Variants in FMN2 observed in about 807,000 individuals in gnomAD.
The protein encoded by FMN2 is formin-2.
A neutral mutation model predicts 142.3 loss-of-function variants in FMN2; 51 were observed. The observed-to-expected ratio is 0.36, with a 90% CI of 0.29 to 0.45. The LOEUF (loss-of-function observed/expected upper bound fraction) is 0.45, where lower values mean the gene tolerates loss of function less well. Among genes scored for constraint, FMN2 ranks in the 20% least tolerant of loss-of-function variants. The pLI is 1.00. For synonymous variants in FMN2, 882 were observed against 869.8 expected (o/e 1.01, Z -0.25); for missense variants, 1,936 against 2,122.8 (o/e 0.91, Z 1.73).
intron 6 of FMN2, among the ~76,000 whole-genome samples, chr1:240,243,130 GAA>G (rs145296927): frequency 6.8e-6 from 1 of 146,376 alleles, no homozygotes; most frequent in African/African-American, 2.5e-5. Flanking sequence ...GGAGTAGACC[GAA>G]AAAAAAAACC....
intron 2 of FMN2, among the ~76,000 whole-genome samples, chr1:240,127,121 CTTTTT>C (rs769189578): frequency 7.2e-6 from 1 of 138,182 alleles, no homozygotes; most frequent in Non-Finnish European, 1.6e-5. Context: ...AGGAATATGG[CTTTTT>C]TTTTTTTTTT....
intron 15 of FMN2, among the ~76,000 whole-genome samples, chr1:240,437,083 C>G (rs1401307101): frequency 6.6e-6 from 1 of 152,130 alleles, no homozygotes; most frequent in Non-Finnish European, 1.5e-5. Context: ...AGTCAGAAAC[C>G]TACCATTTAC....
chr1:240,221,072 A>G (rs1362900497), intron 6 of FMN2, among the ~76,000 whole-genome samples: 1 of 152,170 alleles, frequency 6.6e-6, no homozygotes, highest in Non-Finnish European at 1.5e-5. Context: ...GCTGCATTGT[A>G]TTCCATGGTG....
At chr1:240,365,828 C>T (rs889879536) in intron 14 of FMN2, among the ~76,000 whole-genome samples, 1 of 152,164 alleles carries the variant, frequency 6.6e-6, no homozygotes, top group African/African-American at 2.4e-5. Context: ...CACTGTTACT[C>T]ATGCCTTAAT....
chr1:240,123,982 G>A (rs545459324), intron 2 of FMN2, among the ~76,000 whole-genome samples: 70 of 152,322 alleles, frequency 4.6e-4, no homozygotes, highest in African/African-American at 1.7e-3. Flanking sequence ...ATTCATCCAT[G>A]TTGGAGCATG....
At chr1:240,294,721 G>C in intron 7 of FMN2, 101 bp from the exon 8 acceptor site, 1 of 1,016,988 alleles carries the variant, frequency 9.8e-7, no homozygotes, top group South Asian at 1.3e-5. Flanking sequence ...TAAAGCCCCT[G>C]CTCCCTCTGG....
chr1:240,222,103 C>A (rs561732337), intron 6 of FMN2, among the ~76,000 whole-genome samples: 11 of 151,358 alleles, frequency 7.3e-5, no homozygotes, highest in African/African-American at 2.7e-4. Context: ...AAGTCACCCA[C>A]CTGCCTCGGC....
At chr1:240,250,680 C>T (rs898912192) in intron 6 of FMN2, among the ~76,000 whole-genome samples, 5 of 151,786 alleles carry the variant, frequency 3.3e-5, no homozygotes, top group South Asian at 2.1e-4. Flanking sequence ...GTTCTTTGTA[C>T]GTTTTGTAGA....
intron 14 of FMN2, among the ~76,000 whole-genome samples, chr1:240,387,151 C>CT (rs1169036128): frequency 2.6e-5 from 4 of 152,128 alleles, no homozygotes; most frequent in Non-Finnish European, 4.4e-5. Flanking sequence ...TCATTGTTGC[C>CT]TTTTTTCTTA....
chr1:240,144,500 T>A, intron 2 of FMN2: 1 of 1,534,898 alleles, frequency 6.5e-7, no homozygotes, highest in Non-Finnish European at 9.0e-7. Flanking sequence ...GAATGCCATC[T>A]GTTTCTGTAC....
intron 4 of FMN2, among the ~76,000 whole-genome samples, chr1:240,196,510 G>C (rs984787276): frequency 2.6e-5 from 4 of 151,950 alleles, no homozygotes; most frequent in African/African-American, 9.7e-5. Context: ...GTGTTTTTTG[G>C]TTTGTTTGTT....
chr1:240,443,667 T>G (rs1675703942), intron 16 of FMN2, among the ~76,000 whole-genome samples: 1 of 152,218 alleles, frequency 6.6e-6, no homozygotes, highest in Non-Finnish European at 1.5e-5. Context: ...GCAGAAGAAT[T>G]GCTTGAACCT....
At chr1:240,248,432 GATAT>G (rs36215850) in intron 6 of FMN2, among the ~76,000 whole-genome samples, 2,569 of 142,406 alleles carry the variant, frequency 0.018, 43 homozygotes, top group East Asian at 0.025. Flanking sequence ...CATGTGATTG[GATAT>G]ATATATATAT....
rs150007600 is a variant in FMN2, at chr1:240,367,507, C to T, written c.4858+11599C>T. ...AAATCCGGCGGGGGGCAGTGGCTCA[C>T]GCCTGTAATCCCAGCACTTTGGAGG... On this transcript the variant is annotated intron_variant, in intron 14 of 17. Transcript: ENST00000319653. Among the ~76,000 whole-genome samples, 417 of 152,042 alleles carry T rather than the reference C, an allele frequency of 2.7e-3. 1 individual carries two copies. The highest frequency in any genetic ancestry group is 9.5e-3 in the African/African-American group (395 of 41,468).
At chr1:240,162,100 C>T (rs1296327168) in intron 2 of FMN2, among the ~76,000 whole-genome samples, 1 of 146,920 alleles carries the variant, frequency 6.8e-6, no homozygotes, top group Non-Finnish European at 1.5e-5. Context: ...CTCTAGCACT[C>T]AAGCCTGGGT....
intron 4 of FMN2, among the ~76,000 whole-genome samples, chr1:240,188,586 T>C (rs1407528142): frequency 6.6e-6 from 1 of 152,184 alleles, no homozygotes; most frequent in Admixed American, 6.5e-5. Context: ...GAGATGTGCC[T>C]GCTCAAACAG....
chr1:240,327,323 T>C (rs938810256), intron 8 of FMN2, among the ~76,000 whole-genome samples: 1 of 152,212 alleles, frequency 6.6e-6, no homozygotes, highest in Admixed American at 6.5e-5. Flanking sequence ...AAACTTCTTT[T>C]GAGACACGTC....
chr1:240,142,612 C>T, intron 2 of FMN2: 2 of 1,507,014 alleles, frequency 1.3e-6, no homozygotes, highest in Non-Finnish European at 1.8e-6. Context: ...CCCTTGGCAG[C>T]AGGATGCATG....
chr1:240,222,480 A>G (rs1419110813), intron 6 of FMN2, among the ~76,000 whole-genome samples: 1 of 150,026 alleles, frequency 6.7e-6, no homozygotes. Flanking sequence ...GGGCTCTTTT[A>G]TGGTTCTATA....
Sources: gnomAD v4.1 joint callset for allele counts (sites outside exome capture counted in the v4.1 genomes callset) on GRCh38, gnomAD v4.1.1 for gene constraint, MANE v1.5 for transcripts, NCBI Gene and HGNC (gene_info 2026-07-23, HGNC 2026-07-21) for gene names.